Variants in CCDC171 observed in about 807,000 individuals in gnomAD.
CCDC171 encodes the protein coiled-coil domain containing 171.
Under a neutral mutation model 168.2 loss-of-function variants are expected in CCDC171, and 177 were observed. That is an observed-to-expected ratio of 1.05 (90% CI 0.93 to 1.19). The LOEUF is 1.19. CCDC171 is among the 50% of genes most tolerant of loss of function. CCDC171 has a pLI of 0.00. For missense variants in CCDC171, 1,991 were observed against 1,539.0 expected (o/e 1.29, Z -4.91); for synonymous variants, 687 against 540.8 (o/e 1.27, Z -3.75).
At chr9:15,796,519 CTTAA>C (rs908148249) in intron 21 of CCDC171, among the ~76,000 whole-genome samples, 24 of 152,160 alleles carry the variant, frequency 1.6e-4, no homozygotes, top group Non-Finnish European at 3.2e-4. Flanking sequence ...TTCAAAATAA[CTTAA>C]TTGAGGTATA....
chr9:15,947,659 C>T (rs539404702), intron 25 of CCDC171, among the ~76,000 whole-genome samples: 3 of 151,880 alleles, frequency 2.0e-5, no homozygotes, highest in Non-Finnish European at 4.4e-5. Flanking sequence ...AATAATGTTC[C>T]TACGAATGTG....
chr9:15,664,851 A>G (rs1357321417), intron 8 of CCDC171, among the ~76,000 whole-genome samples: 2 of 151,406 alleles, frequency 1.3e-5, no homozygotes, highest in Admixed American at 1.3e-4. Flanking sequence ...GGCACGCACC[A>G]CCACGCCTGG....
At chr9:16,037,726 A>G (rs74613175) in intron 8 of CCDC171, among the ~76,000 whole-genome samples, 1 of 152,162 alleles carries the variant, frequency 6.6e-6, no homozygotes, top group Non-Finnish European at 1.5e-5. Context: ...CAGATTAGAT[A>G]TGGTTAAAGA....
At chr9:15,646,894 A>G (rs2047083708) in intron 7 of CCDC171, among the ~76,000 whole-genome samples, 2 of 152,238 alleles carry the variant, frequency 1.3e-5, no homozygotes, top group South Asian at 2.1e-4. Flanking sequence ...CTCTGCACCA[A>G]GTGGACCTAA....
chr9:15,602,103 C>A (rs2055772), intron 6 of CCDC171, among the ~76,000 whole-genome samples: 1 of 151,998 alleles, frequency 6.6e-6, no homozygotes, highest in Non-Finnish European at 1.5e-5. Context: ...GTAAATTTTA[C>A]TGTAATTTGT....
At chr9:15,769,857 C>T (rs972963267) in intron 18 of CCDC171, among the ~76,000 whole-genome samples, 3 of 152,138 alleles carry the variant, frequency 2.0e-5, no homozygotes, top group Non-Finnish European at 4.4e-5. Flanking sequence ...AGCCTTAAGC[C>T]CTTGGAAAGA....
intron 18 of CCDC171, among the ~76,000 whole-genome samples, chr9:15,747,796 C>T (rs1051710598): frequency 2.6e-5 from 4 of 152,128 alleles, no homozygotes; most frequent in Admixed American, 6.5e-5. Flanking sequence ...GGGGAGAAAC[C>T]AGAGCAGAAA....
chr9:16,026,850 C>T lies in CCDC171; in HGVS notation n.998+3942C>T, dbSNP rs376691204. ...TATATTTAATTGCTCTGTAGCATAA[C>T]ACAATTATGTGTATTGGTAAATATG... On this transcript the variant is annotated intron_variant and non_coding_transcript_variant, in intron 6 of 9. Transcript: ENST00000486641. Among the ~76,000 whole-genome samples, 74 of 152,358 alleles carry T rather than the reference C, an allele frequency of 4.9e-4. No homozygotes were observed. The South Asian group carries it at 6.4e-3, about 13-fold the overall frequency.
intron 21 of CCDC171, among the ~76,000 whole-genome samples, chr9:15,790,595 G>A (rs1048569844): frequency 3.9e-5 from 6 of 152,134 alleles, no homozygotes; most frequent in Non-Finnish European, 8.8e-5. Context: ...AAGCTTTTTA[G>A]TTTAATTAGA....
chr9:15,887,317 ATTTTAGAAATGGTTTAGAAAGTAC>A (rs1819564447), intron 24 of CCDC171, among the ~76,000 whole-genome samples: 1 of 152,130 alleles, frequency 6.6e-6, no homozygotes, highest in Non-Finnish European at 1.5e-5. Context: ...ATGTAGAGTA[ATTTTAGAAATGGTTTAGAAAGTAC>A]TTTTCAGTTT....
intron 7 of CCDC171, among the ~76,000 whole-genome samples, chr9:15,630,823 C>G (rs907981027): frequency 4.6e-5 from 7 of 152,202 alleles, no homozygotes; most frequent in African/African-American, 1.2e-4. Flanking sequence ...CAAACTGTCT[C>G]TCAGACCACA....
At chr9:16,105,099 T>C in the CCDC171 span, among the ~76,000 whole-genome samples, 1 of 152,226 alleles carries the variant, frequency 6.6e-6, no homozygotes, top group African/African-American at 2.4e-5. Context: ...ACTAAAATTC[T>C]TTTAGCAGAA....
At position 15,971,943 on chromosome 9, in the gene CCDC171, A is replaced by C; in HGVS notation, c.*107A>C. The C allele has an allele frequency of 1.1e-6, 1 of 950,822 alleles. No individual in the cohort carries two copies. Among genetic ancestry groups the C allele is most frequent in the South Asian group, 1.6e-5 (1 of 63,622 alleles). The allele number at this position is 950,822 out of a possible 1,614,324, so 58.9% of individuals were successfully genotyped here. ...TTTGTTTCAGCAGAAGTGGCAGTGG[A>C]TTTAAAAAATTTGTGCGCTATCTTG... On this transcript the variant is annotated 3_prime_UTR_variant, in exon 26 of 26. Transcript: ENST00000380701.
Position 15,591,526 on chromosome 9 carries a change from A to C in CCDC171, c.513A>C (p.Lys171Asn). The C allele has an allele frequency of 6.3e-7, 1 of 1,585,128 alleles. No homozygotes were observed. Among genetic ancestry groups the C allele is most frequent in the Non-Finnish European group, 8.6e-7 (1 of 1,167,704 alleles). The stretch of plus-strand genomic sequence containing the variant: ...ATCGAGAATATGATTTACTTATGAA[A>C]GAAAAAAGCAGACTAGAGAAAACTC... ...NCNREYDLLM[K>N]EKSRLEKTLQ... Residue 171 changes from lysine to asparagine, a missense_variant, in exon 5 of 26, where the codon AAA becomes AAC. Transcript: ENST00000380701.
At chr9:15,996,531 C>G (rs368249085) in intron 3 of CCDC171, among the ~76,000 whole-genome samples, 2 of 147,246 alleles carry the variant, frequency 1.4e-5, no homozygotes, top group Non-Finnish European at 3.0e-5. Context: ...GAATTTTCGA[C>G]TTGTGGCATC....
In CCDC171 at chr9:15,745,519, T is replaced by C; in HGVS notation, c.2559T>C (p.His853=). ...TGGATTTTTTCAATTTTATAGAACA[T>C]CAAAAGGAGCAGTTGCGTTGTTTAC... ...EPQDKHKFPK[H]QKEQLRCLQA... Residue 853 remains histidine, a synonymous_variant, in exon 18 of 26, where the codon CAT becomes CAC. Coordinates refer to ENST00000380701, the MANE Select transcript of CCDC171 (RefSeq NM_173550.4). 6.5e-7 allele frequency: 1 copy of C among 1,545,538 alleles called. No homozygotes were observed. The highest frequency in any genetic ancestry group is 8.7e-7 in the Non-Finnish European group (1 of 1,152,884).
intron 24 of CCDC171, among the ~76,000 whole-genome samples, chr9:15,905,030 T>C (rs986416497): frequency 1.3e-5 from 2 of 152,152 alleles, no homozygotes; most frequent in African/African-American, 4.8e-5. Context: ...AGCAAGTCCT[T>C]AGAGACCTAC....
In CCDC171 at chr9:15,890,785, AT is replaced by A. The variant is rs552922463; in HGVS notation, c.3600+16129del. On this transcript the variant is annotated intron_variant, in intron 24 of 25. Coordinates refer to ENST00000380701, the MANE Select transcript of CCDC171 (RefSeq NM_173550.4). Reference sequence around the variant, plus strand: ...TTTTAAAAACTAAAATGGTAACAATATTTTTTTCAGAGTGATATAGTTTAAC... The same window carrying A: ...TTTTAAAAACTAAAATGGTAACAATATTTTTTCAGAGTGATATAGTTTAAC... 2.7e-4 allele frequency among the ~76,000 whole-genome samples: 41 copies of A among 152,226 alleles called. No homozygotes were observed. In the East Asian group the frequency reaches 5.8e-3, roughly 22 times the overall value.
chr9:15,907,991 A>C (rs2131768894), intron 24 of CCDC171, among the ~76,000 whole-genome samples: 1 of 152,188 alleles, frequency 6.6e-6, no homozygotes, highest in Admixed American at 6.5e-5. Flanking sequence ...CAATCATTAA[A>C]AAGTCAGGAA....
Sources: gnomAD v4.1 joint callset for allele counts (sites outside exome capture counted in the v4.1 genomes callset) on GRCh38, gnomAD v4.1.1 for gene constraint, MANE v1.5 for transcripts, NCBI Gene and HGNC (gene_info 2026-07-23, HGNC 2026-07-21) for gene names.